The following DMD variants were observed in gnomAD, a reference collection of about 807,000 sequenced individuals.
The protein encoded by DMD is mutant dystrophin.
In DMD, 63 loss-of-function variants were observed where a neutral mutation model predicts 330.1. The observed-to-expected ratio is 0.19, with a 90% CI of 0.16 to 0.24. DMD has a LOEUF of 0.24. DMD is among the 10% of genes least tolerant of loss of function. DMD has a pLI of 1.00. For missense variants in DMD, 3,344 were observed against 2,684.1 expected (o/e 1.25, Z -5.43); for synonymous variants, 1,223 against 959.8 (o/e 1.27, Z -5.07).
At chrX:33,331,332 T>C (rs2054173003) in intron 1 of DMD, among the ~76,000 whole-genome samples, 1 of 111,792 alleles carries the variant, frequency 8.9e-6, no homozygotes. Context: ...AGAACATAAA[T>C]GAGTCCCACA....
chrX:32,501,629 A>G (rs1042572107), intron 19 of DMD, 126 bp downstream of exon 19: 2 of 544,224 alleles, frequency 3.7e-6, no homozygotes, highest in Non-Finnish European at 6.3e-6. Flanking sequence ...TAAAAAACAT[A>G]CAAACACCTT....
At chrX:31,489,952 AT>A (rs1225961496) in intron 57 of DMD, among the ~76,000 whole-genome samples, 3 of 112,167 alleles carry the variant, frequency 2.7e-5, no homozygotes, top group Non-Finnish European at 5.6e-5. Context: ...TGTTACAGTC[AT>A]TAAAGCAAAG....
intron 55 of DMD, among the ~76,000 whole-genome samples, chrX:31,613,103 C>A (rs781201565): frequency 8.9e-6 from 1 of 112,003 alleles, no homozygotes; most frequent in East Asian, 2.8e-4. Flanking sequence ...AGTATTCATT[C>A]AGCTCAGTGT....
At chrX:31,620,266 TG>T (rs1266571485) in intron 55 of DMD, among the ~76,000 whole-genome samples, 1 of 110,837 alleles carries the variant, frequency 9.0e-6, no homozygotes, top group East Asian at 2.8e-4. Flanking sequence ...TGAATGAGGA[TG>T]GGGTTTTTAT....
At chrX:33,162,546 G>A (rs1051058154) in intron 1 of DMD, among the ~76,000 whole-genome samples, 5 of 111,553 alleles carry the variant, frequency 4.5e-5, no homozygotes, top group African/African-American at 1.3e-4. Flanking sequence ...AAAAAGGGAC[G>A]AATACTTGAA....
At chrX:32,194,300 A>G (rs2096988644) in intron 44 of DMD, among the ~76,000 whole-genome samples, 1 of 112,015 alleles carries the variant, frequency 8.9e-6, no homozygotes, top group Non-Finnish European at 1.9e-5. Context: ...CCACCTGAAC[A>G]AAATAGACAA....
chrX:31,456,060 CCTCT>C (rs57908791), intron 59 of DMD, among the ~76,000 whole-genome samples: 109 of 102,633 alleles, frequency 1.1e-3, no homozygotes, highest in African/African-American at 3.4e-3. Flanking sequence ...ACAGATGATC[CCTCT>C]CTCTCTCTCT....
rs11315047 is a variant in DMD, at chrX:32,092,724, C to CTTTTTT, written c.6438+124186_6438+124191dup. 4.5e-3 allele frequency among the ~76,000 whole-genome samples: 178 copies of CTTTTTT among 39,753 alleles called. 13 individuals are homozygous for CTTTTTT. The highest frequency in any genetic ancestry group is 0.014 in the African/African-American group (124 of 9,067). The allele number at this position is 39,753 out of a possible 115,157, so 34.5% of individuals were successfully genotyped here. On this transcript the variant is annotated intron_variant, in intron 44 of 78. Transcript: ENST00000357033. ...AAAAATGTTCATCACGTTATTTTCA[C>CTTTTTT]TTTTTTTTTTTTTTTTTTTTTTTTT...
rs1437842552 is a variant in DMD, at chrX:31,121,379, T to C, written c.*540A>G. On this transcript the variant is annotated 3_prime_UTR_variant, in exon 79 of 79. Transcript: ENST00000357033. ...AAAAGAAAAAGCCATGAATTTCATA[T>C]GGATATCACGCCAAAAGGATGCAAA... 2 of 117,274 alleles carry C rather than the reference T, an allele frequency of 1.7e-5. No homozygotes were observed. The highest frequency in any genetic ancestry group is 3.3e-5 in the African/African-American group (1 of 30,650). The allele number at this position is 117,274 out of a possible 1,213,427, so 9.7% of individuals were successfully genotyped here.
intron 9 of DMD, among the ~76,000 whole-genome samples, chrX:32,686,773 C>T (rs1442234509): frequency 2.7e-5 from 3 of 109,437 alleles, no homozygotes; most frequent in Non-Finnish European, 3.8e-5. Context: ...AAAATTAATG[C>T]AAAAAAGAAA....
chrX:32,218,280 G>C (rs763739907), intron 43 of DMD, among the ~76,000 whole-genome samples: 1 of 111,532 alleles, frequency 9.0e-6, no homozygotes, highest in South Asian at 3.8e-4. Context: ...AAAGCATCCA[G>C]GTGATTTCAA....
At chrX:31,350,089 A>G (rs1211151551) in intron 60 of DMD, among the ~76,000 whole-genome samples, 2 of 111,184 alleles carry the variant, frequency 1.8e-5, no homozygotes, top group Non-Finnish European at 3.8e-5. Context: ...TTTATTTTAT[A>G]TACACAAAAG....
chrX:31,210,108 G>T (rs944411072), intron 64 of DMD, among the ~76,000 whole-genome samples: 9 of 111,777 alleles, frequency 8.1e-5, no homozygotes, highest in African/African-American at 2.6e-4. Flanking sequence ...TAGCATTAGA[G>T]AAGATCTGTT....
chrX:31,494,886 C>T (rs1398681079), intron 57 of DMD, among the ~76,000 whole-genome samples: 1 of 111,823 alleles, frequency 8.9e-6, no homozygotes, highest in Non-Finnish European at 1.9e-5. Flanking sequence ...TCTTTGGTTT[C>T]TGGAACTAGC....
intron 62 of DMD, among the ~76,000 whole-genome samples, chrX:31,312,359 C>G (rs1395015544): frequency 1.8e-5 from 2 of 112,149 alleles, no homozygotes; most frequent in Non-Finnish European, 3.8e-5. Context: ...TGAAAAAAAG[C>G]TCAACATCAC....
In DMD at chrX:32,296,616, G is replaced by A. The variant is rs149571208; in HGVS notation, c.6118-8915C>T. 1.6e-3 allele frequency among the ~76,000 whole-genome samples: 173 copies of A among 111,558 alleles called. 1 individual carries two copies. The highest frequency in any genetic ancestry group is 5.1e-3 in the African/African-American group (156 of 30,738). Reference sequence around the variant, plus strand: ...TTAAATAATATGTCCACTGTGGGATGTATATACAAACATTAATTGGCTAAT... The same window carrying A: ...TTAAATAATATGTCCACTGTGGGATATATATACAAACATTAATTGGCTAAT... On this transcript the variant is annotated intron_variant, in intron 42 of 78. Coordinates refer to ENST00000357033, the MANE Select transcript of DMD (RefSeq NM_004006.3).
intron 46 of DMD, among the ~76,000 whole-genome samples, chrX:31,930,285 A>G (rs2094837528): frequency 9.0e-6 from 1 of 111,044 alleles, no homozygotes; most frequent in Non-Finnish European, 1.9e-5. Flanking sequence ...AATTATCTTC[A>G]TTTTATATGG....
chrX:32,499,996 A>C (rs2043883361), intron 19 of DMD, among the ~76,000 whole-genome samples: 2 of 111,228 alleles, frequency 1.8e-5, no homozygotes, highest in Non-Finnish European at 3.8e-5. Context: ...TGGTCATTTT[A>C]AGTAGTCATC....
Position 32,782,234 on chromosome X carries a change from G to C in DMD, c.649+27259C>G, listed in dbSNP as rs752194333. ...TAAATATTATCATTAAAAATCACTAGAATATCAAAAAAACAGCCTACAGAC... is the reference window on the plus strand; with the variant it reads ...TAAATATTATCATTAAAAATCACTACAATATCAAAAAAACAGCCTACAGAC... On this transcript the variant is annotated intron_variant, in intron 7 of 78. Coordinates refer to ENST00000357033, the MANE Select transcript of DMD (RefSeq NM_004006.3). Among the ~76,000 whole-genome samples, 3 of 111,101 alleles carry C rather than the reference G, an allele frequency of 2.7e-5. No individual in the cohort carries two copies. In the South Asian group the frequency reaches 1.1e-3, roughly 41 times the overall value.
Sources: allele counts gnomAD v4.1 joint callset (sites outside exome capture counted in the v4.1 genomes callset), GRCh38; gene constraint gnomAD v4.1.1; transcripts MANE v1.5; gene names NCBI Gene and HGNC (gene_info 2026-07-23, HGNC 2026-07-21).